The following LPIN1 variants were observed in gnomAD, a reference collection of about 807,000 sequenced individuals.
The protein encoded by LPIN1 is phosphatidate phosphatase LPIN1.
A neutral mutation model predicts 107.5 loss-of-function variants in LPIN1; 71 were observed. The observed-to-expected ratio is 0.66, with a 90% CI of 0.55 to 0.80. The LOEUF (loss-of-function observed/expected upper bound fraction) is 0.80, where lower values mean the gene tolerates loss of function less well. LPIN1 is among the 30% of genes least tolerant of loss of function. The probability of loss-of-function intolerance (pLI) is 0.00; values close to 1 mark genes in which losing one functional copy is unlikely to be tolerated. For synonymous variants in LPIN1, 445 were observed against 452.6 expected (o/e 0.98, Z 0.21); for missense variants, 1,043 against 1,160.6 (o/e 0.90, Z 1.47).
At chr2:11,780,538 C>T (rs763627832) in intron 7 of LPIN1, among the ~76,000 whole-genome samples, 5 of 152,206 alleles carry the variant, frequency 3.3e-5, no homozygotes, top group African/African-American at 4.8e-5. Context: ...GTAAGTATTT[C>T]TGGGCCCTCA....
rs185471985 is a variant in LPIN1, at chr2:11,782,451, C to G, written c.1208C>G (p.Pro403Arg). The change falls in exon 8 of 21, where the codon CCC becomes CGC. Residue 403 changes from proline (P) to arginine (R), a missense_variant. Pro to Arg is a moderately radical substitution (Grantham distance 103). Coordinates refer to ENST00000674199, the MANE Select transcript of LPIN1 (RefSeq NM_001349206.2). The stretch of plus-strand genomic sequence containing the variant: ...CCCATGATCGAGGAGCTCAAACCCC[C>G]CTCTGCCAGTGTAGTCCAGACAGCA... The part of the protein sequence containing the change: ...LLPMIEELKP[P>R]SASVVQTANK... The G allele has an allele frequency of 1.7e-5, 27 of 1,614,156 alleles. No homozygotes were observed. In the East Asian group the frequency reaches 5.1e-4, roughly 31 times the overall value.
At chr2:11,785,408 C>T (rs149292912) in intron 10 of LPIN1, among the ~76,000 whole-genome samples, 4 of 152,250 alleles carry the variant, frequency 2.6e-5, no homozygotes, top group African/African-American at 4.8e-5. Flanking sequence ...GAGAAGTGCG[C>T]CGGCGCCTTG....
At chr2:11,681,568 T>A (rs1661715830) in intron 1 of LPIN1, 1 of 152,860 alleles carries the variant, frequency 6.5e-6, no homozygotes, top group Non-Finnish European at 1.5e-5. Flanking sequence ...ACCTCTTTTC[T>A]TTATAAATTA....
chr2:11,749,531 G>T (rs1253136117), intron 1 of LPIN1, among the ~76,000 whole-genome samples: 1 of 152,188 alleles, frequency 6.6e-6, no homozygotes, highest in Middle Eastern at 3.2e-3. Flanking sequence ...CTGGGGTTGG[G>T]GTGGGGTCTG....
chr2:11,766,140 A>G (rs1042294798), intron 2 of LPIN1, among the ~76,000 whole-genome samples: 1 of 152,174 alleles, frequency 6.6e-6, no homozygotes, highest in Non-Finnish European at 1.5e-5. Flanking sequence ...CCAACTACCC[A>G]TGGCCTCTCC....
chr2:11,824,537 C>T (rs1682101206), intron 20 of LPIN1, 95 bp from the exon 21 acceptor site: 3 of 1,267,382 alleles, frequency 2.4e-6, no homozygotes, highest in Non-Finnish European at 3.5e-6. Context: ...GCGGTCTGCT[C>T]CTTGAGGTTG....
At chr2:11,739,241 T>C (rs539725981) in intron 1 of LPIN1, among the ~76,000 whole-genome samples, 1 of 152,200 alleles carries the variant, frequency 6.6e-6, no homozygotes, top group African/African-American at 2.4e-5. Context: ...GCTACAGCCA[T>C]GTGAGTCACC....
At chr2:11,797,376 T>C (rs536091807) in intron 14 of LPIN1, among the ~76,000 whole-genome samples, 14 of 152,282 alleles carry the variant, frequency 9.2e-5, no homozygotes, top group African/African-American at 2.4e-4. Flanking sequence ...CAGAAACCAA[T>C]TGGGGAGGAT....
chr2:11,795,427 G>C lies in LPIN1; in HGVS notation c.1826G>C (p.Cys609Ser). ...TIKEESKPEQ[C>S]LAGKAHSTGE... ...TTCTAGGAAAGTAAGCCAGAGCAGT[G>C]CTTGGCTGGCAAGGCCCATAGCACC... The change falls in exon 14 of 21, where the codon TGC (cysteine) becomes TCC (serine). Residue 609 changes from cysteine to serine, a missense_variant. Cys to Ser is a moderately radical substitution (Grantham distance 112). Coordinates refer to ENST00000674199, the MANE Select transcript of LPIN1 (RefSeq NM_001349206.2). 6.2e-7 allele frequency: 1 copy of C among 1,614,044 alleles called. No homozygotes were observed. Among genetic ancestry groups the C allele is most frequent in the South Asian group, 1.1e-5 (1 of 91,086 alleles).
intron 17 of LPIN1, among the ~76,000 whole-genome samples, chr2:11,808,576 G>A (rs1679113353): frequency 6.6e-6 from 1 of 152,072 alleles, no homozygotes. Context: ...TTTGTCTAAT[G>A]AAAAAGCCAA....
chr2:11,707,318 C>T lies in LPIN1; in HGVS notation c.82-6438C>T, dbSNP rs1056171876. ...ACCAGCATGAAGTGAGAGAAGGAGG[C>T]TTAGGGAGAATCTGCCAGGCAGAGG... On this transcript the variant is annotated intron_variant, in intron 1 of 21. Coordinates refer to the LPIN1 transcript ENST00000449576. This position sits in a 1 kb window ranked among gnomAD's most constrained non-coding sequence, Gnocchi z 4.2. 1.3e-5 allele frequency among the ~76,000 whole-genome samples: 2 copies of T among 152,110 alleles called. No individual in the cohort carries two copies. The highest frequency in any genetic ancestry group is 4.8e-5 in the African/African-American group (2 of 41,422).
At chr2:11,752,070 C>T (rs1458289542) in intron 1 of LPIN1, among the ~76,000 whole-genome samples, 1 of 152,142 alleles carries the variant, frequency 6.6e-6, no homozygotes, top group Non-Finnish European at 1.5e-5. Context: ...TTCTGATTTT[C>T]CCTATTACAA....
upstream of LPIN1, among the ~76,000 whole-genome samples, chr2:11,720,523 T>C (rs565517402): frequency 6.6e-6 from 1 of 151,340 alleles, no homozygotes; most frequent in Non-Finnish European, 1.5e-5. Flanking sequence ...GCGGGGGAGG[T>C]TGATGATGCT....
intron 1 of LPIN1, among the ~76,000 whole-genome samples, chr2:11,725,658 T>C (rs957449886): frequency 3.3e-5 from 5 of 152,280 alleles, no homozygotes; most frequent in Admixed American, 1.3e-4. Context: ...CGCAATTCCA[T>C]TGGGATTTTA....
chr2:11,756,353 G>A (rs900537049), intron 1 of LPIN1, among the ~76,000 whole-genome samples: 2 of 152,130 alleles, frequency 1.3e-5, no homozygotes, highest in African/African-American at 4.8e-5. Flanking sequence ...ATTAAGAGGC[G>A]TGGACTAAAA....
chr2:11,744,603 A>G (rs568705453), upstream of LPIN1, among the ~76,000 whole-genome samples: 10 of 152,310 alleles, frequency 6.6e-5, no homozygotes, highest in Admixed American at 3.9e-4. Flanking sequence ...GAATTGTCCT[A>G]TATTTTCAGA....
Position 11,809,331 on chromosome 2 carries a change from G to A in LPIN1, c.2249+4175G>A, listed in dbSNP as rs59208217. ...AAAAAGAACACTTACCGTGTTTCCC[G>A]AGGTTCGTTAGCTCCGCTGGGGTCT... On this transcript the variant is annotated intron_variant, in intron 17 of 20. Coordinates refer to ENST00000674199, the MANE Select transcript of LPIN1 (RefSeq NM_001349206.2). 1.2e-4 allele frequency among the ~76,000 whole-genome samples: 19 copies of A among 152,172 alleles called. No individual in the cohort carries two copies. The East Asian group carries it at 1.9e-3, about 15-fold the overall frequency.
chr2:11,819,443 C>G (rs1317125272), intron 18 of LPIN1, 41 bp from the exon 19 acceptor site: 3 of 1,263,060 alleles, frequency 2.4e-6, no homozygotes, highest in Non-Finnish European at 3.5e-6. Flanking sequence ...CTAAAGGAAG[C>G]TTAGCCTCTC....
chr2:11,814,299 G>A (rs993083745), intron 17 of LPIN1, among the ~76,000 whole-genome samples: 2 of 152,144 alleles, frequency 1.3e-5, no homozygotes, highest in African/African-American at 4.8e-5. Flanking sequence ...TGATACCTGG[G>A]TTTGGCAAGA....
Sources: allele counts gnomAD v4.1 joint callset (sites outside exome capture counted in the v4.1 genomes callset), GRCh38; gene constraint gnomAD v4.1.1; non-coding constraint Gnocchi (gnomAD v3.1); transcripts MANE v1.5; gene names NCBI Gene and HGNC (gene_info 2026-07-23, HGNC 2026-07-21).